STXBP4: variants seen among roughly 807,000 people sequenced by gnomAD.
The protein encoded by STXBP4 is syntaxin-binding protein 4.
STXBP4 carries 55 observed loss-of-function variants against 76.1 expected under a neutral mutation model. That is an observed-to-expected ratio of 0.72 (90% CI 0.58 to 0.91). The LOEUF is 0.91. Among genes scored for constraint, STXBP4 ranks in the 40% least tolerant of loss-of-function variants. The pLI is 0.00. For synonymous variants in STXBP4, 201 were observed against 220.2 expected (o/e 0.91, Z 0.77); for missense variants, 618 against 636.9 (o/e 0.97, Z 0.32).
At chr17:55,130,713 A>G (rs1003103393) in intron 16 of STXBP4, among the ~76,000 whole-genome samples, 1 of 152,068 alleles carries the variant, frequency 6.6e-6, no homozygotes, top group African/African-American at 2.4e-5. Flanking sequence ...CAACTATTCT[A>G]CTTTTCATTT....
intron 16 of STXBP4, among the ~76,000 whole-genome samples, chr17:55,112,704 T>A (rs1381617910): frequency 6.6e-6 from 1 of 152,146 alleles, no homozygotes; most frequent in Non-Finnish European, 1.5e-5. Flanking sequence ...TTTAGGGGAT[T>A]CTTCATGTAG....
At chr17:55,143,827 A>G (rs1221705407) in intron 17 of STXBP4, among the ~76,000 whole-genome samples, 2 of 152,206 alleles carry the variant, frequency 1.3e-5, no homozygotes, top group Non-Finnish European at 2.9e-5. Context: ...ACACATAAGG[A>G]AAACAGAAAA....
chr17:55,005,091 G>T (rs1448575046), intron 7 of STXBP4, among the ~76,000 whole-genome samples: 1 of 152,128 alleles, frequency 6.6e-6, no homozygotes, highest in Non-Finnish European at 1.5e-5. Context: ...GTTAAATGAA[G>T]GTTAGTGTAA....
At chr17:55,082,530 T>C (rs1356227859) in intron 16 of STXBP4, among the ~76,000 whole-genome samples, 4 of 152,152 alleles carry the variant, frequency 2.6e-5, no homozygotes, top group African/African-American at 9.7e-5. Flanking sequence ...TTAAACATTA[T>C]ACAGGACACA....
chr17:55,078,665 C>T, intron 14 of STXBP4, 21 bp from the exon 15 acceptor site: 1 of 1,475,928 alleles, frequency 6.8e-7, no homozygotes, highest in Non-Finnish European at 9.4e-7. Context: ...ATATCTCCTT[C>T]ACCATCTTGT....
At chr17:55,185,519 T>G in the STXBP4 span, among the ~76,000 whole-genome samples, 1 of 152,016 alleles carries the variant, frequency 6.6e-6, no homozygotes, top group Non-Finnish European at 1.5e-5. Context: ...AAAATGTTAA[T>G]AAGGAATCTC....
At chr17:55,125,717 A>G (rs1243363275) in intron 16 of STXBP4, among the ~76,000 whole-genome samples, 1 of 152,154 alleles carries the variant, frequency 6.6e-6, no homozygotes, top group East Asian at 1.9e-4. Flanking sequence ...CTGAACTTGC[A>G]TGAGCCTGAG....
At position 55,031,817 on chromosome 17, in the gene STXBP4, A is replaced by G. The variant is rs1006981590; in HGVS notation, c.763+553A>G. ...GGCTTTTCCAACCTGCAAATACTGT[A>G]TTTTTTATGCATTTGGTTGAAAAAA... On this transcript the variant is annotated intron_variant, in intron 9 of 17. Transcript: ENST00000376352. Among the ~76,000 whole-genome samples, 9 of 152,106 alleles carry G rather than the reference A, an allele frequency of 5.9e-5. No individual in the cohort carries two copies. In the South Asian group the frequency reaches 1.9e-3, roughly 32 times the overall value.
chr17:55,091,507 A>G (rs2079414237), intron 16 of STXBP4, among the ~76,000 whole-genome samples: 1 of 152,188 alleles, frequency 6.6e-6, no homozygotes, highest in African/African-American at 2.4e-5. Flanking sequence ...CAGAAGTGGA[A>G]AATTTCACAC....
intron 16 of STXBP4, among the ~76,000 whole-genome samples, chr17:55,090,368 C>T (rs1172843980): frequency 1.3e-5 from 2 of 152,070 alleles, no homozygotes; most frequent in Non-Finnish European, 2.9e-5. Flanking sequence ...CCAAAAGCCA[C>T]ATCACTCTGC....
chr17:54,977,388 A>G (rs9893306), intron 1 of STXBP4, among the ~76,000 whole-genome samples: 1 of 152,048 alleles, frequency 6.6e-6, no homozygotes, highest in African/African-American at 2.4e-5. Flanking sequence ...TCTTGTCATC[A>G]TGCCCTAAAT....
chr17:54,976,708 A>C (rs1484310214), intron 1 of STXBP4, among the ~76,000 whole-genome samples: 1 of 152,186 alleles, frequency 6.6e-6, no homozygotes, highest in African/African-American at 2.4e-5. Flanking sequence ...CCCAGGAGTG[A>C]GAACCCTATT....
At chr17:55,142,296 C>G (rs1021089809) in intron 17 of STXBP4, among the ~76,000 whole-genome samples, 2 of 152,206 alleles carry the variant, frequency 1.3e-5, no homozygotes, top group Non-Finnish European at 2.9e-5. Flanking sequence ...GGAATCCCAA[C>G]AGACTCCTAA....
chr17:55,110,827 A>G (rs1216353604), intron 16 of STXBP4, among the ~76,000 whole-genome samples: 3 of 152,240 alleles, frequency 2.0e-5, no homozygotes, highest in Non-Finnish European at 4.4e-5. Flanking sequence ...TATTTTTAAA[A>G]GTAATGGTAA....
chr17:55,131,807 G>A (rs1203370051), intron 16 of STXBP4, among the ~76,000 whole-genome samples: 1 of 152,122 alleles, frequency 6.6e-6, no homozygotes, highest in African/African-American at 2.4e-5. Context: ...TGTCACCCAG[G>A]CTGGAGTGCT....
intron 16 of STXBP4, among the ~76,000 whole-genome samples, chr17:55,129,928 C>T (rs1332159616): frequency 6.6e-6 from 1 of 152,080 alleles, no homozygotes. Context: ...TGGGCCTGAC[C>T]TACATGAGCC....
intron 16 of STXBP4, among the ~76,000 whole-genome samples, chr17:55,137,276 C>G (rs772978149): frequency 2.7e-4 from 38 of 143,064 alleles, no homozygotes; most frequent in Admixed American, 1.3e-3. Context: ...CTCCATGTTC[C>G]CTCCCTCCCT....
Position 55,007,549 on chromosome 17 carries a change from G to T in STXBP4, c.618G>T (p.Lys206Asn). 3 of 1,611,252 alleles carry T rather than the reference G, an allele frequency of 1.9e-6. No homozygotes were observed. Among genetic ancestry groups the T allele is most frequent in the Non-Finnish European group, 2.5e-6 (3 of 1,179,280 alleles). The change falls in exon 8 of 18, where the codon AAG becomes AAT. Residue 206 changes from lysine (K) to asparagine (N), a missense_variant. Physicochemically the swap from Lys to Asn is moderately conservative, Grantham distance 94. Transcript: ENST00000376352. ...CTGAAAATTATGGGCTACAAGAAAA[G>T]ATCTCCCTAAATCCCTCTGTTCGCT... ...AWTENYGLQEKISLNPSVRFK... is the reference protein window; with the variant it reads ...AWTENYGLQENISLNPSVRFK...
chr17:55,075,924 C>T (rs1349034803), intron 13 of STXBP4, among the ~76,000 whole-genome samples: 1 of 152,090 alleles, frequency 6.6e-6, no homozygotes, highest in Non-Finnish European at 1.5e-5. Flanking sequence ...ACCAAGGTTT[C>T]CTCCTCCCTG....
Sources: allele counts gnomAD v4.1 joint callset (sites outside exome capture counted in the v4.1 genomes callset), GRCh38; gene constraint gnomAD v4.1.1; transcripts MANE v1.5; gene names NCBI Gene and HGNC (gene_info 2026-07-23, HGNC 2026-07-21).